The following PIEZO1 variants were observed in gnomAD, a reference collection of about 807,000 sequenced individuals.
PIEZO1 encodes the protein piezo-type mechanosensitive ion channel component 1.
A neutral mutation model predicts 297.2 loss-of-function variants in PIEZO1; 296 were observed. The observed-to-expected ratio is 1.00, with a 90% CI of 0.91 to 1.10. The LOEUF (loss-of-function observed/expected upper bound fraction) is 1.10. Ranked by LOEUF, PIEZO1 falls within the 50% of genes least tolerant of loss-of-function variation. PIEZO1 has a pLI of 0.00. For synonymous variants in PIEZO1, 2,427 were observed against 1,507.5 expected, an observed-to-expected ratio of 1.61 and a Z score of -14.13; for missense variants, 5,018 against 3,455.5, an observed-to-expected ratio of 1.45 and a Z score of -11.34.
At position 88,754,806 on chromosome 16, in the gene PIEZO1, G is replaced by A. The variant is rs180931601; in HGVS notation, c.65-5327C>T. On this transcript the variant is annotated intron_variant, in intron 1 of 50. Coordinates refer to ENST00000301015, the MANE Select transcript of PIEZO1 (RefSeq NM_001142864.4). ...CAGGACGTGGTGCAGAAAGACTGCGGCCCACACGGGTGGGTGACCCGGGAC... is the reference window on the plus strand; with the variant it reads ...CAGGACGTGGTGCAGAAAGACTGCGACCCACACGGGTGGGTGACCCGGGAC... Among the ~76,000 whole-genome samples, 979 of 152,332 alleles carry A rather than the reference G, an allele frequency of 6.4e-3. 10 individuals are homozygous for A. Among genetic ancestry groups the A allele is most frequent in the Non-Finnish European group, 0.011 (768 of 68,018 alleles).
At position 88,716,093 on chromosome 16, in the gene PIEZO1, G is replaced by T. The variant is rs917690331; in HGVS notation, c.7156C>A (p.Arg2386Ser). ...CCCTGCTCCCTCCGCAGCTGGATACGCACGCCGAGGTAGTCGGCCTCCTCA... is the reference window on the plus strand; with the variant it reads ...CCCTGCTCCCTCCGCAGCTGGATACTCACGCCGAGGTAGTCGGCCTCCTCA... The part of the protein sequence containing the change: ...PNEEADYLGV[R>S]IQLRREQGAG... Residue 2386 changes from arginine to serine, a missense_variant, in exon 50 of 51, where the codon CGT becomes AGT. By Grantham distance (110) the Arg-to-Ser change is moderately radical. Coordinates refer to ENST00000301015, the MANE Select transcript of PIEZO1 (RefSeq NM_001142864.4). The T allele has an allele frequency of 1.3e-6, 2 of 1,548,140 alleles. No homozygotes were observed. Among genetic ancestry groups the T allele is most frequent in the Non-Finnish European group, 8.7e-7 (1 of 1,145,664 alleles).
At chr16:88,751,563 A>T in intron 1 of PIEZO1, among the ~76,000 whole-genome samples, 1 of 152,106 alleles carries the variant, frequency 6.6e-6, no homozygotes, top group East Asian at 1.9e-4. Flanking sequence ...CAGCTCCCCC[A>T]GGAGCCCTCC....
In PIEZO1 at chr16:88,749,482, G is replaced by T; in HGVS notation, c.65-3C>A. The T allele has an allele frequency of 2.6e-6, 4 of 1,525,126 alleles. No homozygotes were observed. Among genetic ancestry groups the T allele is most frequent in the Non-Finnish European group, 3.5e-6 (4 of 1,142,322 alleles). The allele number at this position is 1,525,126 out of a possible 1,614,324, so 94.5% of individuals were successfully genotyped here. A position where few individuals can be genotyped will look rare whatever the true frequency, so the allele number is the denominator to read the frequency against. ...TCCGCTGAAGCGGAGCAGGCAGGCT[G>T]CGGGGAGATGGGCGTTAACTAGGTC... On this transcript the variant is annotated splice_region_variant and splice_polypyrimidine_tract_variant and intron_variant, in intron 1 of 50. Transcript: ENST00000301015.
intron 22 of PIEZO1, chr16:88,731,378 C>T: frequency 3.1e-6 from 1 of 318,712 alleles, no homozygotes; most frequent in South Asian, 4.0e-5. Flanking sequence ...GGGTGTGAGG[C>T]ATCACGGCCG....
intron 22 of PIEZO1, among the ~76,000 whole-genome samples, chr16:88,728,174 C>T (rs987742326): frequency 2.0e-5 from 3 of 152,224 alleles, no homozygotes; most frequent in Admixed American, 6.5e-5. Context: ...GTCCTGCTGA[C>T]GTGGCGTTCT....
Position 88,726,277 on chromosome 16 carries a change from A to G in PIEZO1, c.3968+7T>C. ...GAGCTCTGGGCTGTGTCTGGGCCCA[A>G]GCTTGCCTGGAGGCTAGCAGGGCGG... is the stretch of plus-strand genomic sequence containing the variant. On this transcript the variant is annotated splice_region_variant and intron_variant, in intron 27 of 50. Transcript: ENST00000301015. The G allele has an allele frequency of 1.3e-6, 2 of 1,545,038 alleles. No homozygotes were observed. The highest frequency in any genetic ancestry group is 8.7e-7 in the Non-Finnish European group (1 of 1,144,218).
chr16:88,752,982 A>G (rs982369360), intron 1 of PIEZO1, among the ~76,000 whole-genome samples: 32 of 152,146 alleles, frequency 2.1e-4, no homozygotes, highest in Non-Finnish European at 3.1e-4. Context: ...ACAGTTGGAC[A>G]GACAGCTAAG....
rs766184064 is a variant in PIEZO1 at position 88,715,556 on chromosome 16, C to T, written c.*49G>A. ...TGAGGAGTGCCGCCCCTTGTGGCCA[C>T]GCTGCCCAGCAGGCCGGCTCCTTCC... On this transcript the variant is annotated 3_prime_UTR_variant, in exon 51 of 51. Transcript: ENST00000301015. The T allele has an allele frequency of 1.6e-5, 25 of 1,522,714 alleles. No individual in the cohort carries two copies. Among genetic ancestry groups the T allele is most frequent in the Non-Finnish European group, 2.1e-5 (24 of 1,131,352 alleles). 94.3% of individuals were successfully genotyped at this position (1,522,714 alleles called of 1,614,324 possible).
intron 1 of PIEZO1, among the ~76,000 whole-genome samples, chr16:88,760,966 C>A (rs1250755115): frequency 6.6e-6 from 1 of 152,118 alleles, no homozygotes; most frequent in Non-Finnish European, 1.5e-5. Context: ...CTGCTGTGGG[C>A]TGGGCACCCA....
Position 88,733,702 on chromosome 16 carries a change from C to T in PIEZO1, c.2373G>A (p.Leu791=), listed in dbSNP as rs1205766853. The T allele has an allele frequency of 1.9e-6, 3 of 1,548,668 alleles. No homozygotes were observed. The highest frequency in any genetic ancestry group is 2.7e-5 in the African/African-American group (2 of 73,108). The part of the protein sequence containing the change: ...WGLVAERLLE[L]AAGFSDVLSR... ...AGAGGACGTCCGAGAAGCCGGCTGCCAGCTCCAGCAGCCGCTCAGCCACCA... is the reference window on the plus strand; with the variant it reads ...AGAGGACGTCCGAGAAGCCGGCTGCTAGCTCCAGCAGCCGCTCAGCCACCA... The change falls in exon 18 of 51, where the codon CTG becomes CTA. Residue 791 remains leucine (L), a synonymous_variant. Coordinates refer to ENST00000301015, the MANE Select transcript of PIEZO1 (RefSeq NM_001142864.4).
intron 12 of PIEZO1, 135 bp downstream of exon 12, chr16:88,736,012 TG>T: frequency 1.2e-6 from 1 of 854,994 alleles, no homozygotes; most frequent in Non-Finnish European, 1.8e-6. Flanking sequence ...TGGCTCTGGG[TG>T]GGCAGAAGGG....
intron 1 of PIEZO1, among the ~76,000 whole-genome samples, chr16:88,775,816 G>A (rs1225306873): frequency 6.6e-6 from 1 of 152,096 alleles, no homozygotes; most frequent in Non-Finnish European, 1.5e-5. Flanking sequence ...TGTGCAGGAG[G>A]CTGGCTGATG....
chr16:88,719,129 G>C (rs1912247853), intron 44 of PIEZO1: 2 of 198,036 alleles, frequency 1.0e-5, no homozygotes, highest in Admixed American at 1.1e-4. Context: ...GATGATAGGG[G>C]TGAGCCGCTG....
At position 88,721,566 on chromosome 16, in the gene PIEZO1, G is replaced by A. The variant is rs1165711741; in HGVS notation, c.5375C>T (p.Ala1792Val). The change falls in exon 38 of 51, where the codon GCC becomes GTC. Residue 1792 changes from alanine to valine, a missense_variant. By Grantham distance (64) the Ala-to-Val change is moderately conservative. Transcript: ENST00000301015. ...YIKYDLVQLM[A>V]LFFHRSQLLC... The stretch of plus-strand genomic sequence containing the variant: ...CAGCTGGGAGCGGTGGAAGAAAAGG[G>A]CCATGAGCTGCACCAGGTCGTACTT... 2 of 1,550,016 alleles carry A rather than the reference G, an allele frequency of 1.3e-6. No individual in the cohort carries two copies. The highest frequency in any genetic ancestry group is 2.4e-5 in the East Asian group (1 of 40,920).
At position 88,715,827 on chromosome 16, in the gene PIEZO1, C is replaced by A. The variant is rs767828536; in HGVS notation, c.7344G>T (p.Val2448=). Residue 2448 remains valine, a synonymous_variant, in exon 51 of 51, where the codon GTG becomes GTT. Coordinates refer to ENST00000301015, the MANE Select transcript of PIEZO1 (RefSeq NM_001142864.4). ...CGCGCACGAACTTGCCGATGACCAGCACGATGGACACGTACAGCCCCATGA... is the reference window on the plus strand; with the variant it reads ...CGCGCACGAACTTGCCGATGACCAGAACGATGGACACGTACAGCCCCATGA... The part of the protein sequence containing the change: ...YGIMGLYVSI[V]LVIGKFVRGF... The A allele has an allele frequency of 1.3e-6, 2 of 1,550,144 alleles. No individual in the cohort carries two copies. Among genetic ancestry groups the A allele is most frequent in the Admixed American group, 3.9e-5 (2 of 50,992 alleles).
At chr16:88,764,824 G>A (rs915298325) in intron 1 of PIEZO1, among the ~76,000 whole-genome samples, 6 of 151,712 alleles carry the variant, frequency 4.0e-5, no homozygotes, top group Middle Eastern at 3.2e-3. Flanking sequence ...GCATCATGCC[G>A]TGACCTCCCA....
In PIEZO1 at chr16:88,723,111, G is replaced by T. The variant is rs1030766575; in HGVS notation, c.4479C>A (p.Pro1493=). ...CCCACGTACCTGCCGCTGCCTCCTC[G>T]GGGCCCTCTGCTGGCTCCACCTCCT... ...PSQEVEPAEG[P]EEAAAGRSHV... is the part of the protein sequence containing the mutation. Residue 1493 remains proline, a synonymous_variant, in exon 33 of 51, where the codon CCC becomes CCA. Transcript: ENST00000301015. 6 of 1,548,314 alleles carry T rather than the reference G, an allele frequency of 3.9e-6. No homozygotes were observed. Among genetic ancestry groups the T allele is most frequent in the African/African-American group, 2.7e-5 (2 of 73,004 alleles).
rs969205484 is a variant in PIEZO1 at position 88,716,373 on chromosome 16, G to C, written c.7037C>G (p.Ser2346Trp). The C allele has an allele frequency of 3.9e-6, 6 of 1,543,056 alleles. No homozygotes were observed. In the African/African-American group the frequency reaches 6.9e-5, roughly 18 times the overall value. The change falls in exon 48 of 51, where the codon TCG (serine) becomes TGG (tryptophan). Residue 2346 changes from serine (S) to tryptophan (W), a missense_variant. Physicochemically the swap from Ser to Trp is radical, Grantham distance 177. Transcript: ENST00000301015. ...GCCCTTCACTCACACAGACTGGTCC[G>C]AGGTGCCCTCGAGCAGGCTGGCCAG... is the stretch of plus-strand genomic sequence containing the variant. ...RQLASLLEGT[S>W]DQSVVIPNLF...
chr16:88,737,162 A>C (rs1013296663), intron 10 of PIEZO1: 11 of 253,166 alleles, frequency 4.3e-5, no homozygotes, highest in Non-Finnish European at 6.9e-5. Flanking sequence ...GCCAACACAG[A>C]GTTCCCAGGC....
Sources: allele counts gnomAD v4.1 joint callset (sites outside exome capture counted in the v4.1 genomes callset), GRCh38; gene constraint gnomAD v4.1.1; transcripts MANE v1.5; gene names NCBI Gene and HGNC (gene_info 2026-07-23, HGNC 2026-07-21).